The following FAM227B variants were observed in gnomAD, a reference collection of about 807,000 sequenced individuals.
FAM227B encodes protein FAM227B.
Under a neutral mutation model 73.8 loss-of-function variants are expected in FAM227B, and 88 were observed. The observed-to-expected ratio is 1.19, with a 90% CI of 1.00 to 1.42. FAM227B has a LOEUF of 1.42. Ranked by LOEUF, FAM227B falls within the 40% of genes most tolerant of loss-of-function variation. The pLI is 0.00. For synonymous variants in FAM227B, 210 were observed against 190.5 expected, an observed-to-expected ratio of 1.10 and a Z score of -0.84; for missense variants, 632 against 590.9, an observed-to-expected ratio of 1.07 and a Z score of -0.72.
At chr15:49,430,022 C>A (rs962784457) in intron 11 of FAM227B, among the ~76,000 whole-genome samples, 3 of 151,842 alleles carry the variant, frequency 2.0e-5, no homozygotes, top group African/African-American at 7.3e-5. Flanking sequence ...TTAACTTGAA[C>A]CCTAGAGGAT....
At chr15:49,336,899 C>T (rs1189311653) in intron 13 of FAM227B, among the ~76,000 whole-genome samples, 1 of 152,130 alleles carries the variant, frequency 6.6e-6, no homozygotes, top group Admixed American at 6.5e-5. Context: ...ATTGTTGACA[C>T]GTTTATGTCC....
intron 1 of FAM227B, among the ~76,000 whole-genome samples, chr15:49,619,363 G>A (rs1326620676): frequency 1.3e-5 from 2 of 152,164 alleles, no homozygotes; most frequent in Non-Finnish European, 2.9e-5. Flanking sequence ...GTAGCACCGC[G>A]TTACTTTTTG....
At chr15:49,479,599 G>GTTTTTTTTTTTTTTT (rs56097665) in intron 11 of FAM227B, among the ~76,000 whole-genome samples, 2 of 63,292 alleles carry the variant, frequency 3.2e-5, no homozygotes, top group African/African-American at 1.3e-4. Flanking sequence ...TAATACCTCT[G>GTTTTTTTTTTTTTTT]TTTTTTTTTT....
chr15:49,393,442 C>CA (rs531468740), intron 11 of FAM227B, among the ~76,000 whole-genome samples: 9 of 152,168 alleles, frequency 5.9e-5, no homozygotes, highest in Admixed American at 5.2e-4. Context: ...CTGCACTGAA[C>CA]AAAAAACTAA....
chr15:49,335,013 G>A (rs908121113), intron 14 of FAM227B, among the ~76,000 whole-genome samples: 1 of 152,176 alleles, frequency 6.6e-6, no homozygotes, highest in African/African-American at 2.4e-5. Flanking sequence ...GAAGGACTTT[G>A]CTGTCTTGAT....
At chr15:49,575,261 A>C in intron 7 of FAM227B, 152 bp from the exon 8 acceptor site, 1 of 399,864 alleles carries the variant, frequency 2.5e-6, no homozygotes, top group South Asian at 1.3e-4. Context: ...CATAATGTTA[A>C]ATTTTCTTGT....
At chr15:49,474,073 A>T (rs2055027611) in intron 11 of FAM227B, among the ~76,000 whole-genome samples, 1 of 152,178 alleles carries the variant, frequency 6.6e-6, no homozygotes, top group South Asian at 2.1e-4. Context: ...TATTATATTC[A>T]AACTCTAAAA....
chr15:49,413,920 AT>A (rs1329413633), intron 11 of FAM227B, among the ~76,000 whole-genome samples: 2 of 151,662 alleles, frequency 1.3e-5, no homozygotes, highest in African/African-American at 4.8e-5. Context: ...TTAAATAGCA[AT>A]TCTACAGAAA....
intron 5 of FAM227B, among the ~76,000 whole-genome samples, chr15:49,587,284 A>G (rs1197183859): frequency 1.3e-5 from 2 of 152,108 alleles, no homozygotes; most frequent in Non-Finnish European, 1.5e-5. Flanking sequence ...AAATTATGAG[A>G]ACACATGAAC....
chr15:49,347,507 A>G (rs1216783383), intron 13 of FAM227B, among the ~76,000 whole-genome samples: 2 of 152,168 alleles, frequency 1.3e-5, no homozygotes, highest in African/African-American at 4.8e-5. Flanking sequence ...TCATACTAGT[A>G]TCAGTGCTGG....
rs1242340770 is a variant in FAM227B, at chr15:49,327,753, T to TTAGA, written c.*811_*814dup. The TTAGA allele has an allele frequency of 1.7e-5, 8 of 475,956 alleles. No individual in the cohort carries two copies. In the Admixed American group the frequency reaches 1.8e-4, roughly 11 times the overall value. 29.5% of individuals were successfully genotyped at this position (475,956 alleles called of 1,614,324 possible). ...TTGGAGTCAAAACCAGGGACTAGATTTAGATACAATGAAAAAATTCCAAAT... is the reference window on the plus strand; with the variant it reads ...TTGGAGTCAAAACCAGGGACTAGATTTAGATAGATACAATGAAAAAATTCCAAAT... On this transcript the variant is annotated 3_prime_UTR_variant, in exon 16 of 16. Coordinates refer to ENST00000299338, the MANE Select transcript of FAM227B (RefSeq NM_152647.3).
At chr15:49,369,430 T>A (rs1187865229) in intron 12 of FAM227B, among the ~76,000 whole-genome samples, 1 of 152,142 alleles carries the variant, frequency 6.6e-6, no homozygotes, top group Non-Finnish European at 1.5e-5. Flanking sequence ...AAGACTTTTA[T>A]TGTCAAGTCA....
chr15:49,584,492 A>G (rs936049086), intron 5 of FAM227B, among the ~76,000 whole-genome samples: 1 of 152,198 alleles, frequency 6.6e-6, no homozygotes, highest in Non-Finnish European at 1.5e-5. Flanking sequence ...TCTACTGAAC[A>G]TAGTATTGGA....
intron 13 of FAM227B, among the ~76,000 whole-genome samples, chr15:49,357,740 G>A (rs1444238269): frequency 6.6e-6 from 1 of 151,990 alleles, no homozygotes; most frequent in Non-Finnish European, 1.5e-5. Context: ...TCATTTATGA[G>A]GCCAGCATCA....
chr15:49,453,757 G>A (rs958483797), intron 11 of FAM227B, among the ~76,000 whole-genome samples: 1 of 151,820 alleles, frequency 6.6e-6, no homozygotes, highest in Non-Finnish European at 1.5e-5. Flanking sequence ...GTATCTAATG[G>A]TCACTAGATA....
intron 11 of FAM227B, among the ~76,000 whole-genome samples, chr15:49,502,212 C>T (rs1408725168): frequency 1.3e-5 from 2 of 152,182 alleles, no homozygotes; most frequent in African/African-American, 4.8e-5. Flanking sequence ...ACTGCCTAGT[C>T]GAACTGTGAG....
chr15:49,588,010 C>T lies in FAM227B; in HGVS notation c.405+6G>A. ...TTCAAGGATGATAAAAACATAGATACCATACCATTATCTTTTTTTTCTTAT... is the reference window on the plus strand; with the variant it reads ...TTCAAGGATGATAAAAACATAGATATCATACCATTATCTTTTTTTTCTTAT... On this transcript the variant is annotated splice_donor_region_variant and intron_variant, in intron 5 of 15. Transcript: ENST00000299338. The T allele has an allele frequency of 6.9e-7, 1 of 1,446,594 alleles. No homozygotes were observed. Among genetic ancestry groups the T allele is most frequent in the Non-Finnish European group, 9.2e-7 (1 of 1,086,272 alleles). 89.6% of individuals were successfully genotyped at this position (1,446,594 alleles called of 1,614,324 possible).
At chr15:49,387,457 C>G (rs1165658974) in intron 11 of FAM227B, among the ~76,000 whole-genome samples, 2 of 150,262 alleles carry the variant, frequency 1.3e-5, no homozygotes, top group Admixed American at 1.3e-4. Flanking sequence ...TTTATAAGAA[C>G]CAGGCATAGA....
intron 5 of FAM227B, among the ~76,000 whole-genome samples, chr15:49,582,565 A>G (rs752775540): frequency 3.9e-5 from 6 of 152,212 alleles, no homozygotes; most frequent in Non-Finnish European, 8.8e-5. Flanking sequence ...ATATTAGGAC[A>G]GATCATTGAG....
Sources: gnomAD v4.1 joint callset for allele counts (sites outside exome capture counted in the v4.1 genomes callset) on GRCh38, gnomAD v4.1.1 for gene constraint, MANE v1.5 for transcripts, NCBI Gene and HGNC (gene_info 2026-07-23, HGNC 2026-07-21) for gene names.